Variants in ASIC2 observed in about 807,000 individuals in gnomAD.
The protein encoded by ASIC2 is acid sensing ion channel subunit 2.
Under a neutral mutation model 57.3 loss-of-function variants are expected in ASIC2, and 25 were observed. The ratio of observed to expected loss-of-function variants is 0.44; its 90% CI spans 0.32 to 0.61. The LOEUF is 0.61. Ranked by LOEUF, ASIC2 falls within the 20% of genes least tolerant of loss-of-function variation. ASIC2 has a pLI of 0.06. For missense variants in ASIC2, 641 were observed against 738.1 expected, an observed-to-expected ratio of 0.87 and a Z score of 1.52; for synonymous variants, 319 against 307.5, an observed-to-expected ratio of 1.04 and a Z score of -0.39.
At chr17:33,844,674 G>T (rs1022121893) in intron 1 of ASIC2, among the ~76,000 whole-genome samples, 1 of 152,130 alleles carries the variant, frequency 6.6e-6, no homozygotes, top group Non-Finnish European at 1.5e-5. Flanking sequence ...ATTTCTGTAA[G>T]CCAGCAAAGG....
At chr17:34,133,734 A>C (rs971788939) in intron 1 of ASIC2, among the ~76,000 whole-genome samples, 7 of 152,242 alleles carry the variant, frequency 4.6e-5, no homozygotes, top group Admixed American at 3.9e-4. Context: ...TGCAAATCAC[A>C]CTTATTTACA....
At chr17:33,998,941 T>C (rs1348923242) in intron 1 of ASIC2, among the ~76,000 whole-genome samples, 1 of 152,186 alleles carries the variant, frequency 6.6e-6, no homozygotes, top group Non-Finnish European at 1.5e-5. Context: ...CTTCATGATC[T>C]ATCCATTTTT....
chr17:34,020,983 C>G (rs930415744), intron 1 of ASIC2, among the ~76,000 whole-genome samples: 1 of 152,066 alleles, frequency 6.6e-6, no homozygotes. Flanking sequence ...TTATTATCAC[C>G]CAATACCATG....
intron 1 of ASIC2, among the ~76,000 whole-genome samples, chr17:33,858,894 T>A (rs1914033820): frequency 6.6e-6 from 1 of 152,224 alleles, no homozygotes; most frequent in African/African-American, 2.4e-5. Context: ...GTGTGGCCCT[T>A]GAGTCCCTAC....
chr17:33,704,612 A>G (rs1908808183), intron 1 of ASIC2, among the ~76,000 whole-genome samples: 1 of 152,220 alleles, frequency 6.6e-6, no homozygotes, highest in South Asian at 2.1e-4. Flanking sequence ...AACTAACAGG[A>G]TAAGAACCAA....
intron 1 of ASIC2, among the ~76,000 whole-genome samples, chr17:33,844,532 G>A (rs1056191363): frequency 1.3e-5 from 2 of 152,170 alleles, no homozygotes; most frequent in Non-Finnish European, 2.9e-5. Context: ...CCCCAACATT[G>A]CTGTTGTGAC....
At chr17:33,604,364 T>C (rs1282294701) in intron 1 of ASIC2, among the ~76,000 whole-genome samples, 1 of 152,022 alleles carries the variant, frequency 6.6e-6, no homozygotes, top group Non-Finnish European at 1.5e-5. Flanking sequence ...GAGCAGGTGG[T>C]GATGAAGTGT....
intron 1 of ASIC2, among the ~76,000 whole-genome samples, chr17:33,458,152 C>G (rs1325704880): frequency 6.6e-6 from 1 of 152,104 alleles, no homozygotes; most frequent in South Asian, 2.1e-4. Context: ...ACGGAGGAAA[C>G]AGCCTGATAG....
chr17:33,271,043 T>A (rs1393984568), intron 1 of ASIC2, among the ~76,000 whole-genome samples: 1 of 152,196 alleles, frequency 6.6e-6, no homozygotes, highest in East Asian at 1.9e-4. Flanking sequence ...TTCCAACCTC[T>A]ACACTGCACA....
intron 1 of ASIC2, among the ~76,000 whole-genome samples, chr17:33,432,834 A>C (rs1911466821): frequency 6.6e-6 from 1 of 152,228 alleles, no homozygotes; most frequent in Non-Finnish European, 1.5e-5. Flanking sequence ...AGAGAAATGC[A>C]AATCAAAGCC....
intron 1 of ASIC2, among the ~76,000 whole-genome samples, chr17:34,020,105 C>CA (rs1907102488): frequency 6.6e-6 from 1 of 151,840 alleles, no homozygotes; most frequent in South Asian, 2.1e-4. Flanking sequence ...ATATTTTTTG[C>CA]AAAAAAATTG....
At chr17:33,038,215 C>T (rs1156662794) in intron 3 of ASIC2, among the ~76,000 whole-genome samples, 1 of 152,208 alleles carries the variant, frequency 6.6e-6, no homozygotes, top group African/African-American at 2.4e-5. Context: ...TAGTTCTCAT[C>T]ACCTTCTCTT....
chr17:33,467,601 C>T (rs1912908394), intron 1 of ASIC2, among the ~76,000 whole-genome samples: 1 of 152,210 alleles, frequency 6.6e-6, no homozygotes, highest in Non-Finnish European at 1.5e-5. Flanking sequence ...GCCCTTGCTA[C>T]CTGGGGGCTT....
chr17:33,887,909 A>G (rs530026775), intron 1 of ASIC2, among the ~76,000 whole-genome samples: 1 of 152,300 alleles, frequency 6.6e-6, no homozygotes, highest in East Asian at 1.9e-4. Context: ...ATGGGTTTAT[A>G]TGGACATAGC....
At chr17:33,686,470 T>C (rs1185175689) in intron 1 of ASIC2, among the ~76,000 whole-genome samples, 1 of 152,156 alleles carries the variant, frequency 6.6e-6, no homozygotes, top group Non-Finnish European at 1.5e-5. Context: ...TCTTGGCCCA[T>C]AGGGTTTACA....
intron 1 of ASIC2, among the ~76,000 whole-genome samples, chr17:33,182,632 C>A (rs1906030857): frequency 6.6e-6 from 1 of 152,016 alleles, no homozygotes; most frequent in African/African-American, 2.4e-5. Flanking sequence ...ATTCAAGAAG[C>A]CTCTCTCTCT....
At chr17:33,541,744 C>G (rs1915417868) in intron 1 of ASIC2, among the ~76,000 whole-genome samples, 1 of 152,136 alleles carries the variant, frequency 6.6e-6, no homozygotes. Flanking sequence ...TGCAAGTGCC[C>G]CTTCCCAAGC....
At position 33,017,706 on chromosome 17, in the gene ASIC2, C is replaced by A. The variant is rs41274292; in HGVS notation, c.1442-22G>T. ...TCACCTGGAGAGAGAGGGAAAAGAC[C>A]AAAGCTTTGCTTTTATGCAGCTTCC... is the stretch of plus-strand genomic sequence containing the variant. On this transcript the variant is annotated intron_variant, in intron 7 of 9. Coordinates refer to ENST00000225823, the MANE Select transcript of ASIC2 (RefSeq NM_183377.2). 4 of 1,604,742 alleles carry A rather than the reference C, an allele frequency of 2.5e-6. No homozygotes were observed. The East Asian group carries it at 6.7e-5, about 27-fold the overall frequency.
chr17:33,469,503 G>A (rs182269734), intron 1 of ASIC2, among the ~76,000 whole-genome samples: 22 of 152,280 alleles, frequency 1.4e-4, no homozygotes, highest in Admixed American at 4.6e-4. Flanking sequence ...AGAGGAACAC[G>A]GAGGTACAGG....
Sources: gnomAD v4.1 joint callset for allele counts (sites outside exome capture counted in the v4.1 genomes callset) on GRCh38, gnomAD v4.1.1 for gene constraint, MANE v1.5 for transcripts, NCBI Gene and HGNC (gene_info 2026-07-23, HGNC 2026-07-21) for gene names.